Variants in SOX5 observed in about 807,000 individuals in gnomAD.
SOX5 encodes transcription factor SOX-5.
SOX5 carries 9 observed loss-of-function variants against 92.0 expected under a neutral mutation model. The ratio of observed to expected loss-of-function variants is 0.10; its 90% confidence interval spans 0.06 to 0.17. SOX5 has a LOEUF of 0.17. Ranked by LOEUF, SOX5 falls within the 10% of genes least tolerant of loss-of-function variation. SOX5 has a pLI of 1.00. For missense variants in SOX5, 642 were observed against 944.5 expected, an observed-to-expected ratio of 0.68 and a Z score of 4.20; for synonymous variants, 344 against 336.3, an observed-to-expected ratio of 1.02 and a Z score of -0.25.
At chr12:23,578,797 T>C (rs1949627878) in intron 9 of SOX5, among the ~76,000 whole-genome samples, 1 of 152,216 alleles carries the variant, frequency 6.6e-6, no homozygotes, top group African/African-American at 2.4e-5. Context: ...ACCTGTTTAC[T>C]ACCTTCTGTG....
intron 1 of SOX5, among the ~76,000 whole-genome samples, chr12:23,945,204 A>C (rs1277472154): frequency 6.6e-6 from 1 of 152,164 alleles, no homozygotes; most frequent in Non-Finnish European, 1.5e-5. Flanking sequence ...TCTGTGGAGG[A>C]CTAATGTGCT....
chr12:23,670,229 G>A (rs576691290), intron 6 of SOX5, among the ~76,000 whole-genome samples: 1 of 152,246 alleles, frequency 6.6e-6, no homozygotes, highest in Non-Finnish European at 1.5e-5. Flanking sequence ...ATGATTAGAA[G>A]CTGAATTTAT....
chr12:23,957,055 T>C (rs1461304874), intron 4 of SOX5, among the ~76,000 whole-genome samples: 2 of 152,210 alleles, frequency 1.3e-5, no homozygotes, highest in South Asian at 2.1e-4. Context: ...TCTTCTTTGA[T>C]AAATCAATTT....
chr12:24,444,208 T>C (rs534346949), intron 1 of SOX5, among the ~76,000 whole-genome samples: 98 of 151,978 alleles, frequency 6.4e-4, no homozygotes, highest in African/African-American at 2.1e-3. Context: ...AAAGGTGCAT[T>C]TAAAGTTTGA....
intron 6 of SOX5, among the ~76,000 whole-genome samples, chr12:23,718,740 T>C (rs2092649244): frequency 6.6e-6 from 1 of 152,116 alleles, no homozygotes; most frequent in Admixed American, 6.5e-5. Flanking sequence ...TCTGATCAAG[T>C]TTCAAAATGA....
At chr12:24,525,917 CGTGGAGTGCA>C (rs1241018069) in intron 1 of SOX5, among the ~76,000 whole-genome samples, 2 of 151,708 alleles carry the variant, frequency 1.3e-5, no homozygotes, top group African/African-American at 4.8e-5. Context: ...TGTTGCACAG[CGTGGAGTGCA>C]GTGGCACTAC....
At chr12:24,399,821 T>C (rs546159197) in intron 1 of SOX5, among the ~76,000 whole-genome samples, 3 of 152,354 alleles carry the variant, frequency 2.0e-5, no homozygotes, top group Admixed American at 2.0e-4. Flanking sequence ...AATTGTAATC[T>C]AATAACATAT....
Position 23,847,051 on chromosome 12 carries a change from T to A in SOX5, c.271-858A>T, listed in dbSNP as rs565899901. Among the ~76,000 whole-genome samples the A allele has an allele frequency of 7.2e-5, 11 of 152,216 alleles. No individual in the cohort carries two copies. In the East Asian group the frequency reaches 1.9e-3, roughly 27 times the overall value. On this transcript the variant is annotated intron_variant, in intron 2 of 14. Transcript: ENST00000451604. ...TCTAGCACAAATCTGGTAATTTGTA[T>A]AATATTTGGGGAATATTTTGTATAA... is the stretch of plus-strand genomic sequence containing the variant.
intron 1 of SOX5, among the ~76,000 whole-genome samples, chr12:24,532,595 T>C (rs985109938): frequency 2.0e-5 from 3 of 152,244 alleles, no homozygotes; most frequent in African/African-American, 7.2e-5. Flanking sequence ...CTTTAAATTT[T>C]CAGTGAGATC....
At chr12:24,314,100 A>T (rs1949471049) in intron 2 of SOX5, among the ~76,000 whole-genome samples, 2 of 152,100 alleles carry the variant, frequency 1.3e-5, no homozygotes, top group Admixed American at 1.3e-4. Context: ...ATCCACCATG[A>T]TCTCGTCTGG....
chr12:24,076,470 G>A (rs1335919179), intron 4 of SOX5, among the ~76,000 whole-genome samples: 4 of 152,118 alleles, frequency 2.6e-5, no homozygotes, highest in South Asian at 4.1e-4. Flanking sequence ...TCATTCTTAT[G>A]TGGGTTCTTT....
At chr12:24,095,128 C>CACACACACAG (rs1345578614) in intron 4 of SOX5, among the ~76,000 whole-genome samples, 181 of 90,210 alleles carry the variant, frequency 2.0e-3, no homozygotes, top group African/African-American at 3.8e-3. Context: ...CACACACACA[C>CACACACACAG]AGAGAGAGAG....
At chr12:24,351,518 T>C (rs1954081421) in intron 2 of SOX5, among the ~76,000 whole-genome samples, 1 of 152,228 alleles carries the variant, frequency 6.6e-6, no homozygotes, top group Non-Finnish European at 1.5e-5. Flanking sequence ...AGAGAGGCAG[T>C]GAATTGGAGT....
At chr12:24,490,395 AG>A (rs1353863574) in intron 1 of SOX5, among the ~76,000 whole-genome samples, 5 of 152,240 alleles carry the variant, frequency 3.3e-5, no homozygotes, top group African/African-American at 1.2e-4. Flanking sequence ...TTGCTTTTAT[AG>A]TACTTTTCAT....
At chr12:24,322,605 CAGTG>C (rs1472885363) in intron 2 of SOX5, among the ~76,000 whole-genome samples, 2 of 152,114 alleles carry the variant, frequency 1.3e-5, no homozygotes, top group African/African-American at 4.8e-5. Flanking sequence ...GTTGGTGTCT[CAGTG>C]AGCTGACGTT....
chr12:23,699,738 T>A (rs1279057832), intron 6 of SOX5, among the ~76,000 whole-genome samples: 1 of 152,126 alleles, frequency 6.6e-6, no homozygotes, highest in African/African-American at 2.4e-5. Context: ...GAAATGAAAT[T>A]AGAGATACTT....
At chr12:23,969,542 C>T (rs1214792967) in intron 4 of SOX5, among the ~76,000 whole-genome samples, 2 of 152,194 alleles carry the variant, frequency 1.3e-5, no homozygotes, top group African/African-American at 4.8e-5. Flanking sequence ...TATTGCTAAA[C>T]TAAGGCTTTT....
Position 24,393,869 on chromosome 12 carries a change from G to A in SOX5, c.-250-25230C>T, listed in dbSNP as rs576340967. Among the ~76,000 whole-genome samples the A allele has an allele frequency of 3.3e-5, 5 of 152,274 alleles. No homozygotes were observed. The highest frequency in any genetic ancestry group is 2.6e-4 in the Admixed American group (4 of 15,298). The stretch of plus-strand genomic sequence containing the variant: ...AAGTTTAAAAGAGAATAGCAAAAGA[G>A]AAAAGACTAATTTTACATAGAATGG... On this transcript the variant is annotated intron_variant, in intron 1 of 4. Coordinates refer to the SOX5 transcript ENST00000446891. This position sits in a 1 kb window ranked among gnomAD's most constrained non-coding sequence, Gnocchi z 5.0.
intron 3 of SOX5, among the ~76,000 whole-genome samples, chr12:24,217,650 T>C (rs1448396215): frequency 6.6e-6 from 1 of 152,090 alleles, no homozygotes. Flanking sequence ...AAATTGGACA[T>C]GAAAATTAAA....
Sources: gnomAD v4.1 joint callset for allele counts (sites outside exome capture counted in the v4.1 genomes callset) on GRCh38, gnomAD v4.1.1 for gene constraint, Gnocchi (gnomAD v3.1) non-coding constraint, MANE v1.5 for transcripts, NCBI Gene and HGNC (gene_info 2026-07-23, HGNC 2026-07-21) for gene names.